The following LIMK1 variants were observed in gnomAD, a reference collection of about 807,000 sequenced individuals.
LIMK1 encodes the protein LIM domain kinase 1, also known as LIM motif-containing protein kinase.
In LIMK1, 21 loss-of-function variants were observed where a neutral mutation model predicts 77.6. That is an observed-to-expected ratio of 0.27 (90% CI 0.19 to 0.39). LIMK1 has a LOEUF of 0.39. Ranked by LOEUF, LIMK1 falls within the 10% of genes least tolerant of loss-of-function variation. LIMK1 has a pLI of 1.00. For missense variants in LIMK1, 696 were observed against 901.6 expected (o/e 0.77, Z 2.92); for synonymous variants, 358 against 370.0 (o/e 0.97, Z 0.37).
chr7:74,109,125 G>C lies in LIMK1; in HGVS notation c.1284+89G>C, dbSNP rs782135598. The C allele has an allele frequency of 4.2e-5, 44 of 1,056,446 alleles. No homozygotes were observed. In the Admixed American group the frequency reaches 7.0e-4, roughly 17 times the overall value. 65.4% of individuals were successfully genotyped at this position (1,056,446 alleles called of 1,614,324 possible). On this transcript the variant is annotated intron_variant, in intron 10 of 15. Transcript: ENST00000336180. ...GAGCCTCAGTCTCATCTCTTCAATG[G>C]GGGGAAGCCACAGGGGTCTCAAAGG...
intron 7 of LIMK1, among the ~76,000 whole-genome samples, 167 bp from the exon 8 acceptor site, chr7:74,106,843 C>T (rs1554697615): frequency 6.6e-6 from 1 of 152,238 alleles, no homozygotes; most frequent in African/African-American, 2.4e-5. Flanking sequence ...GGCCGAGACA[C>T]TGGGATGGGC....
At chr7:74,100,729 TTCTC>T (rs1306840357) in intron 5 of LIMK1, among the ~76,000 whole-genome samples, 3 of 142,352 alleles carry the variant, frequency 2.1e-5, no homozygotes, top group East Asian at 4.3e-4. Flanking sequence ...AGTGCTAGCT[TTCTC>T]TCTCTCTTTT....
At position 74,092,007 on chromosome 7, in the gene LIMK1, C is replaced by T. The variant is rs573622310; in HGVS notation, c.153-4615C>T. On this transcript the variant is annotated intron_variant, in intron 2 of 15. Transcript: ENST00000336180. ...TTGAGACAGAGTCTCGCTTTTGTTG[C>T]CCAGGCTGGAGTGCAGTGGCGTGAT... Among the ~76,000 whole-genome samples, 192 of 129,848 alleles carry T rather than the reference C, an allele frequency of 1.5e-3. No homozygotes were observed. The Middle Eastern group carries it at 0.05, about 34-fold the overall frequency. 85.2% of individuals were successfully genotyped at this position (129,848 alleles called of 152,430 possible).
chr7:74,111,435 C>T, intron 10 of LIMK1: 4 of 557,854 alleles, frequency 7.2e-6, no homozygotes, highest in South Asian at 2.1e-5. Flanking sequence ...GAGACTCCAT[C>T]TAAAGAAAAA....
intron 1 of LIMK1, 22 bp downstream of exon 1, chr7:74,084,067 G>A: frequency 7.0e-7 from 1 of 1,436,388 alleles, no homozygotes; most frequent in East Asian, 2.9e-5. Flanking sequence ...GCGGGGTGTG[G>A]GGCGAGGGCC....
At chr7:74,120,385 G>A (rs1799906107) in intron 13 of LIMK1, among the ~76,000 whole-genome samples, 198 bp from the exon 14 acceptor site, 2 of 152,214 alleles carry the variant, frequency 1.3e-5, no homozygotes, top group South Asian at 4.1e-4. Flanking sequence ...GCTCCTCAGA[G>A]CTCCCAAAGG....
chr7:74,093,092 C>A, intron 2 of LIMK1: 1 of 1,401,540 alleles, frequency 7.1e-7, no homozygotes, highest in Non-Finnish European at 9.3e-7. Context: ...TCCCCTGGCA[C>A]CCACGCGGCT....
At chr7:74,100,247 G>A (rs1204694722) in intron 5 of LIMK1, among the ~76,000 whole-genome samples, 3 of 152,088 alleles carry the variant, frequency 2.0e-5, no homozygotes, top group Non-Finnish European at 4.4e-5. Context: ...AAAAAAATGG[G>A]GCAGGGCTGA....
intron 13 of LIMK1, among the ~76,000 whole-genome samples, chr7:74,120,329 G>A (rs1024368791): frequency 2.6e-5 from 4 of 152,220 alleles, no homozygotes; most frequent in Admixed American, 6.5e-5. Flanking sequence ...GCAAAGTCAC[G>A]CAGCTGATCG....
At chr7:74,102,484 C>CTCTTTTTTTTT (rs1554696729) in intron 5 of LIMK1, among the ~76,000 whole-genome samples, 1 of 54,042 alleles carries the variant, frequency 1.9e-5, no homozygotes, top group Non-Finnish European at 3.5e-5. Flanking sequence ...AGGACCTTCT[C>CTCTTTTTTTTT]TTTTTTTTTT....
At position 74,084,063 on chromosome 7, in the gene LIMK1, T is replaced by C; in HGVS notation, c.55+18T>C. The C allele has an allele frequency of 1.4e-6, 2 of 1,438,250 alleles. No homozygotes were observed. The highest frequency in any genetic ancestry group is 5.9e-5 in the East Asian group (2 of 33,832). The allele number at this position is 1,438,250 out of a possible 1,614,324, so 89.1% of individuals were successfully genotyped here. On this transcript the variant is annotated intron_variant, in intron 1 of 15. Transcript: ENST00000336180. ...AGAGGAAGGTGCGCGGGCCGCGGGG[T>C]GTGGGGCGAGGGCCTGGAGGGGGTG...
chr7:74,121,508 A>T lies in LIMK1; in HGVS notation c.*207A>T. ...AGAGCCGGCCCAGCTGCACACACAC[A>T]CCATGCTCTCGCCCTGCTGTAACCT... On this transcript the variant is annotated 3_prime_UTR_variant, in exon 16 of 16. Coordinates refer to ENST00000336180, the MANE Select transcript of LIMK1 (RefSeq NM_002314.4). 2 of 561,030 alleles carry T rather than the reference A, an allele frequency of 3.6e-6. No homozygotes were observed. Among genetic ancestry groups the T allele is most frequent in the South Asian group, 5.0e-5 (2 of 39,686 alleles). The allele number at this position is 561,030 out of a possible 1,614,324, so 34.8% of individuals were successfully genotyped here. A position where few individuals can be genotyped will look rare whatever the true frequency, so the allele number is the denominator to read the frequency against.
chr7:74,088,484 G>T (rs576418476), intron 2 of LIMK1, among the ~76,000 whole-genome samples: 25 of 152,248 alleles, frequency 1.6e-4, no homozygotes, highest in Admixed American at 9.2e-4. Context: ...TTCGTGAAGG[G>T]CCTTGAATGC....
Position 74,115,910 on chromosome 7 carries a change from TACA to T in LIMK1, c.1520_1522del (p.Tyr507_Thr508delinsSer). ...CAAGAAGCCAGACCGCAAGAAGCGC[TACA>T]CCGTGGTGGGCAACCCCTACTGGAT... On this transcript the variant is annotated inframe_deletion, in exon 13 of 16. Transcript: ENST00000336180. 1.2e-6 allele frequency: 2 copies of T among 1,614,180 alleles called. No individual in the cohort carries two copies. The highest frequency in any genetic ancestry group is 8.5e-7 in the Non-Finnish European group (1 of 1,180,016).
intron 2 of LIMK1, among the ~76,000 whole-genome samples, chr7:74,091,403 G>C (rs2115632923): frequency 6.6e-6 from 1 of 152,244 alleles, no homozygotes; most frequent in East Asian, 1.9e-4. Context: ...TGTAGTCCCA[G>C]CTACTCAGGA....
chr7:74,100,429 ACTT>A (rs1799431816), intron 5 of LIMK1, among the ~76,000 whole-genome samples: 1 of 151,570 alleles, frequency 6.6e-6, no homozygotes, highest in South Asian at 2.1e-4. Flanking sequence ...GCAATTGGTC[ACTT>A]CTTTTTTTTT....
At chr7:74,116,072 A>C in intron 13 of LIMK1, 114 bp downstream of exon 13, 1 of 1,127,722 alleles carries the variant, frequency 8.9e-7, no homozygotes, top group Non-Finnish European at 1.3e-6. Context: ...CTCTTCAGTT[A>C]CCCTGTGGGT....
intron 5 of LIMK1, among the ~76,000 whole-genome samples, chr7:74,105,496 G>A (rs1799548222): frequency 6.8e-6 from 1 of 146,856 alleles, no homozygotes; most frequent in Non-Finnish European, 1.5e-5. Flanking sequence ...CTGGGTAACA[G>A]AGTGAGATTC....
At chr7:74,106,056 T>C in intron 6 of LIMK1, 21 bp from the exon 7 acceptor site, 1 of 1,613,816 alleles carries the variant, frequency 6.2e-7, no homozygotes. Flanking sequence ...CCACCCCCAT[T>C]CACATGCCTG....
Sources: allele counts gnomAD v4.1 joint callset (sites outside exome capture counted in the v4.1 genomes callset), GRCh38; gene constraint gnomAD v4.1.1; transcripts MANE v1.5; gene names NCBI Gene and HGNC (gene_info 2026-07-23, HGNC 2026-07-21).